The following PRRC2B variants were observed in gnomAD, a reference collection of about 807,000 sequenced individuals.
PRRC2B encodes the protein protein PRRC2B.
A neutral mutation model predicts 242.3 loss-of-function variants in PRRC2B; 68 were observed. That is an observed-to-expected ratio of 0.28 (90% CI 0.23 to 0.34). The LOEUF (loss-of-function observed/expected upper bound fraction) is 0.34. PRRC2B is among the 10% of genes least tolerant of loss of function. The pLI, the probability that PRRC2B is intolerant of heterozygous loss-of-function variation, is 1.00. For missense variants in PRRC2B, 2,835 were observed against 2,954.8 expected, an observed-to-expected ratio of 0.96 and a Z score of 0.94; for synonymous variants, 1,228 against 1,173.6, an observed-to-expected ratio of 1.05 and a Z score of -0.95.
In PRRC2B at chr9:131,432,605, C is replaced by G. The variant is rs755329924; in HGVS notation, c.116-12C>G. On this transcript the variant is annotated splice_polypyrimidine_tract_variant and intron_variant, in intron 2 of 31. Transcript: ENST00000683519. ...TTTGCATGGTGTCTGTTCCATGTCCCTCTCCCTGCAGTTATTCCTAGACAT... is the reference window on the plus strand; with the variant it reads ...TTTGCATGGTGTCTGTTCCATGTCCGTCTCCCTGCAGTTATTCCTAGACAT... 1 of 1,612,504 alleles carries G rather than the reference C, an allele frequency of 6.2e-7. No individual in the cohort carries two copies. Among genetic ancestry groups the G allele is most frequent in the African/African-American group, 1.3e-5 (1 of 74,966 alleles).
At chr9:131,414,664 G>A (rs559061274) in intron 1 of PRRC2B, among the ~76,000 whole-genome samples, 3 of 150,584 alleles carry the variant, frequency 2.0e-5, no homozygotes, top group Admixed American at 6.6e-5. Context: ...TCTACCTCCC[G>A]GGTTCAAGTG....
intron 9 of PRRC2B, among the ~76,000 whole-genome samples, chr9:131,451,067 A>G (rs1476934413): frequency 6.6e-6 from 1 of 152,188 alleles, no homozygotes; most frequent in Non-Finnish European, 1.5e-5. Context: ...ATTTTTAAGA[A>G]CAATTTCATT....
chr9:131,470,198 G>A (rs1040693905), intron 13 of PRRC2B, among the ~76,000 whole-genome samples: 2 of 152,266 alleles, frequency 1.3e-5, no homozygotes, highest in Middle Eastern at 3.4e-3. Flanking sequence ...AAAGTCACAC[G>A]GGACCCAACC....
chr9:131,383,332 G>C (rs917467577), intron 1 of PRRC2B, among the ~76,000 whole-genome samples: 1 of 152,174 alleles, frequency 6.6e-6, no homozygotes, highest in African/African-American at 2.4e-5. Flanking sequence ...AAAGCGGCCA[G>C]TCCAAGAATC....
intron 1 of PRRC2B, among the ~76,000 whole-genome samples, chr9:131,427,125 T>C (rs1046854505): frequency 1.3e-5 from 2 of 152,222 alleles, no homozygotes; most frequent in African/African-American, 4.8e-5. Flanking sequence ...CATTTCTTGA[T>C]ACGAATTGCA....
At chr9:131,473,834 C>T (rs1943611253) in intron 15 of PRRC2B, 110 bp downstream of exon 15, 4 of 771,822 alleles carry the variant, frequency 5.2e-6, no homozygotes, top group South Asian at 3.5e-5. Flanking sequence ...CCACGGGAGA[C>T]GTGCTCCTTG....
intron 1 of PRRC2B, among the ~76,000 whole-genome samples, chr9:131,378,907 C>T (rs1301423262): frequency 1.3e-5 from 2 of 152,028 alleles, no homozygotes; most frequent in Non-Finnish European, 2.9e-5. Flanking sequence ...TTAGTAGAGA[C>T]GAGGTTTCAC....
chr9:131,478,400 C>A, intron 17 of PRRC2B, 74 bp from the exon 18 acceptor site: 5 of 1,412,782 alleles, frequency 3.5e-6, no homozygotes, highest in South Asian at 1.2e-5. Flanking sequence ...AGATCTCAGG[C>A]GCCTGTTGAA....
At chr9:131,481,031 G>T (rs1161419601) in intron 19 of PRRC2B, among the ~76,000 whole-genome samples, 2 of 151,762 alleles carry the variant, frequency 1.3e-5, no homozygotes, top group Non-Finnish European at 2.9e-5. Flanking sequence ...GCCAGGCCTG[G>T]TGGCTCACGT....
chr9:131,431,585 ATTT>A (rs756659610), intron 2 of PRRC2B, among the ~76,000 whole-genome samples: 1 of 133,118 alleles, frequency 7.5e-6, no homozygotes. Flanking sequence ...TTAATAAAGA[ATTT>A]TTTTTTTTTT....
chr9:131,385,477 C>T (rs186054954), intron 1 of PRRC2B, among the ~76,000 whole-genome samples: 4 of 150,558 alleles, frequency 2.7e-5, no homozygotes, highest in Admixed American at 1.4e-4. Flanking sequence ...TTGCTCTCCC[C>T]TGGAAAGGCT....
At chr9:131,465,226 C>T (rs760945496) in intron 12 of PRRC2B, 148 bp downstream of exon 12, 33 of 802,290 alleles carry the variant, frequency 4.1e-5, no homozygotes, top group Non-Finnish European at 6.0e-5. Flanking sequence ...AGAGCATAGG[C>T]CTGGGTCAAA....
upstream of PRRC2B, among the ~76,000 whole-genome samples, chr9:131,393,721 C>T (rs999175293): frequency 4.6e-5 from 7 of 150,950 alleles, no homozygotes; most frequent in African/African-American, 1.7e-4. Flanking sequence ...TTTCCGGGCG[C>T]CCTTCCCCCG....
chr9:131,467,486 G>A (rs1007667033), intron 12 of PRRC2B, 77 bp from the exon 13 acceptor site: 21 of 1,279,762 alleles, frequency 1.6e-5, no homozygotes, highest in Non-Finnish European at 2.3e-5. Flanking sequence ...ACAGGAAGAA[G>A]TACTTGTTTG....
At chr9:131,374,046 G>C (rs1185637496) in intron 1 of PRRC2B, among the ~76,000 whole-genome samples, 1 of 136,434 alleles carries the variant, frequency 7.3e-6, no homozygotes, top group Non-Finnish European at 1.5e-5. Flanking sequence ...GCGACAGAGC[G>C]AGACTCCGTC....
Position 131,492,219 on chromosome 9 carries a change from T to C in PRRC2B, c.6432T>C (p.Asn2144=), listed in dbSNP as rs1944215611. The change falls in exon 30 of 32, where the codon AAT becomes AAC. Residue 2144 remains asparagine (N), a synonymous_variant. Coordinates refer to ENST00000683519, the MANE Select transcript of PRRC2B (RefSeq NM_013318.4). ...TCCACTTTGCCGACAGTAAACAGAA[T>C]GTCCCTTCAGGAGGCCCCGTGCCAT... ...KGFHFADSKQ[N]VPSGGPVPSP... 1.2e-6 allele frequency: 2 copies of C among 1,613,768 alleles called. No homozygotes were observed. The highest frequency in any genetic ancestry group is 2.2e-5 in the South Asian group (2 of 91,088).
chr9:131,456,358 A>G (rs1193304721), intron 10 of PRRC2B, among the ~76,000 whole-genome samples: 2 of 151,676 alleles, frequency 1.3e-5, no homozygotes, highest in Non-Finnish European at 2.9e-5. Context: ...ATGGCCAGGC[A>G]CGGTGGCTCA....
At chr9:131,394,286 G>GCCGGGT (rs1836977286) in intron 1 of PRRC2B, 23 bp downstream of exon 1, 1 of 147,010 alleles carries the variant, frequency 6.8e-6, no homozygotes, top group Non-Finnish European at 1.5e-5. Context: ...CGGGGCCGGG[G>GCCGGGT]CCGGGGCGTG....
intron 9 of PRRC2B, among the ~76,000 whole-genome samples, chr9:131,451,075 ATTT>A (rs1465964910): frequency 6.6e-6 from 1 of 152,004 alleles, no homozygotes; most frequent in Non-Finnish European, 1.5e-5. Context: ...GAACAATTTC[ATTT>A]TTTAAGGGTT....
Sources: gnomAD v4.1 joint callset for allele counts (sites outside exome capture counted in the v4.1 genomes callset) on GRCh38, gnomAD v4.1.1 for gene constraint, MANE v1.5 for transcripts, NCBI Gene and HGNC (gene_info 2026-07-23, HGNC 2026-07-21) for gene names.